GMDS: variants seen among roughly 807,000 people sequenced by gnomAD.
The protein encoded by GMDS is GDP-mannose 4,6 dehydratase.
A neutral mutation model predicts 49.9 loss-of-function variants in GMDS; 20 were observed. The ratio of observed to expected loss-of-function variants is 0.40; its 90% CI spans 0.28 to 0.58. The LOEUF (loss-of-function observed/expected upper bound fraction) is 0.58. GMDS is among the 20% of genes least tolerant of loss of function. GMDS has a pLI of 0.42. For missense variants in GMDS, 362 were observed against 481.4 expected (o/e 0.75, Z 2.32); for synonymous variants, 177 against 178.6 (o/e 0.99, Z 0.07).
intron 7 of GMDS, among the ~76,000 whole-genome samples, chr6:1,925,402 T>C (rs546432289): frequency 6.6e-6 from 1 of 152,334 alleles, no homozygotes; most frequent in Non-Finnish European, 1.5e-5. Flanking sequence ...TTATAAATCA[T>C]TGTGAAAATT....
At chr6:1,773,242 A>G (rs1322189803) in intron 7 of GMDS, among the ~76,000 whole-genome samples, 1 of 151,042 alleles carries the variant, frequency 6.6e-6, no homozygotes, top group Admixed American at 6.6e-5. Context: ...TTTGAGAGCA[A>G]TATCTATATT....
rs1758442831 is a variant in GMDS, at chr6:1,866,387, A to AG, written c.771+63715dup. ...GAGCTTCACGAAGTTTACATTACAG[A>AG]GGGGAAAAAAGGCTTAAAAATGTTA... On this transcript the variant is annotated intron_variant, in intron 7 of 10. Coordinates refer to ENST00000380815, the MANE Select transcript of GMDS (RefSeq NM_001500.4). 3.9e-5 allele frequency among the ~76,000 whole-genome samples: 6 copies of AG among 152,290 alleles called. No homozygotes were observed. In the South Asian group the frequency reaches 1.2e-3, roughly 32 times the overall value.
intron 4 of GMDS, among the ~76,000 whole-genome samples, chr6:1,967,700 C>T (rs1447134089): frequency 1.3e-5 from 2 of 152,102 alleles, no homozygotes; most frequent in African/African-American, 4.8e-5. Context: ...ATTCTTAAGG[C>T]GCAGTCAGGG....
chr6:2,073,643 C>T (rs1159187668), intron 4 of GMDS, among the ~76,000 whole-genome samples: 1 of 152,182 alleles, frequency 6.6e-6, no homozygotes, highest in Non-Finnish European at 1.5e-5. Flanking sequence ...CTCTCTTTAT[C>T]TGTTCCCCTC....
chr6:2,087,085 C>CTT (rs965933677), intron 4 of GMDS, among the ~76,000 whole-genome samples: 1 of 152,166 alleles, frequency 6.6e-6, no homozygotes, highest in Non-Finnish European at 1.5e-5. Context: ...TCCTAAGGGC[C>CTT]TTTCCACTCC....
intron 7 of GMDS, among the ~76,000 whole-genome samples, chr6:1,909,868 A>C (rs887095739): frequency 7.9e-5 from 12 of 152,220 alleles, no homozygotes; most frequent in Non-Finnish European, 1.6e-4. Flanking sequence ...GCCCCTCTTC[A>C]GGATTCCATA....
At chr6:1,851,166 G>C (rs149844905) in intron 7 of GMDS, among the ~76,000 whole-genome samples, 53 of 152,274 alleles carry the variant, frequency 3.5e-4, no homozygotes, top group African/African-American at 1.2e-3. Flanking sequence ...TTACACATTA[G>C]ATAAAAGAAG....
intron 4 of GMDS, among the ~76,000 whole-genome samples, chr6:2,077,102 C>T (rs1772389782): frequency 2.6e-5 from 4 of 151,940 alleles, no homozygotes; most frequent in Non-Finnish European, 1.5e-5. Flanking sequence ...TTTCATTATA[C>T]TTGTATAGGA....
chr6:1,844,638 A>G (rs922478186), intron 7 of GMDS, among the ~76,000 whole-genome samples: 12 of 151,622 alleles, frequency 7.9e-5, no homozygotes, highest in African/African-American at 2.4e-4. Flanking sequence ...TGGATCTGAG[A>G]AAAAAAAACC....
intron 4 of GMDS, among the ~76,000 whole-genome samples, chr6:2,058,156 G>A (rs748157303): frequency 5.9e-5 from 9 of 151,984 alleles, no homozygotes; most frequent in Non-Finnish European, 8.8e-5. Flanking sequence ...GTCAGGGTCC[G>A]AGACCATTCT....
At chr6:1,870,002 T>G (rs1321893638) in intron 7 of GMDS, among the ~76,000 whole-genome samples, 1 of 152,204 alleles carries the variant, frequency 6.6e-6, no homozygotes, top group Non-Finnish European at 1.5e-5. Flanking sequence ...CTGCTGTCCA[T>G]TCTCCCCAAG....
intron 7 of GMDS, among the ~76,000 whole-genome samples, chr6:1,828,770 A>G (rs1771234295): frequency 6.6e-6 from 1 of 152,216 alleles, no homozygotes; most frequent in African/African-American, 2.4e-5. Context: ...TACCTCTCCT[A>G]CAAGAAACAC....
rs1766226046 is a variant in GMDS at position 1,717,785 on chromosome 6, TA to T, written c.987+8630del. On this transcript the variant is annotated intron_variant, in intron 9 of 10. Coordinates refer to ENST00000380815, the MANE Select transcript of GMDS (RefSeq NM_001500.4). ...AATGATAATTAATAATGATGACTAA[TA>T]AAATGACAATATGCAGCACAAAGTA... The T allele has an allele frequency of 3.9e-5, 6 of 152,330 alleles. 2 individuals are homozygous for T. In the South Asian group the frequency reaches 1.0e-3, roughly 26 times the overall value. 9.4% of individuals were successfully genotyped at this position (152,330 alleles called of 1,614,324 possible). A position where few individuals can be genotyped will look rare whatever the true frequency, so the allele number is the denominator to read the frequency against.
At chr6:2,055,388 G>C (rs1159650393) in intron 4 of GMDS, among the ~76,000 whole-genome samples, 1 of 151,998 alleles carries the variant, frequency 6.6e-6, no homozygotes, top group Admixed American at 6.6e-5. Flanking sequence ...GCCACACATA[G>C]GCATGTCAGT....
In GMDS at chr6:2,048,177, C is replaced by G. The variant is rs189203831; in HGVS notation, c.345+67594G>C. Among the ~76,000 whole-genome samples the G allele has an allele frequency of 4.2e-3, 634 of 152,244 alleles. 18 individuals carry two copies. The highest frequency in any genetic ancestry group is 0.037 in the Admixed American group (561 of 15,292). On this transcript the variant is annotated intron_variant, in intron 4 of 10. Coordinates refer to ENST00000380815, the MANE Select transcript of GMDS (RefSeq NM_001500.4). ...AAAAACTGGTTAAGCTTTTTATGTC[C>G]TGTATGAGAGATCTTTCCCTACCTT...
At chr6:1,759,184 T>C (rs1187530075) in intron 7 of GMDS, among the ~76,000 whole-genome samples, 2 of 152,182 alleles carry the variant, frequency 1.3e-5, no homozygotes, top group African/African-American at 4.8e-5. Flanking sequence ...AACCAAACTC[T>C]TGCACCCATA....
chr6:1,981,509 C>T (rs146631511), intron 4 of GMDS, among the ~76,000 whole-genome samples: 12 of 152,152 alleles, frequency 7.9e-5, no homozygotes, highest in Non-Finnish European at 1.2e-4. Context: ...CCTGAATAGA[C>T]CAATAATGAG....
intron 7 of GMDS, among the ~76,000 whole-genome samples, chr6:1,780,296 A>G (rs941619099): frequency 2.0e-5 from 3 of 152,248 alleles, no homozygotes. Context: ...CATCTGTAAA[A>G]TGATGATACT....
intron 1 of GMDS, among the ~76,000 whole-genome samples, chr6:2,154,677 T>C (rs1271582360): frequency 1.3e-5 from 2 of 151,986 alleles, no homozygotes; most frequent in African/African-American, 4.8e-5. Flanking sequence ...CTAGGGTTTA[T>C]AGTATTAATA....
Sources: allele counts gnomAD v4.1 joint callset (sites outside exome capture counted in the v4.1 genomes callset), GRCh38; gene constraint gnomAD v4.1.1; transcripts MANE v1.5; gene names NCBI Gene and HGNC (gene_info 2026-07-23, HGNC 2026-07-21).